Variants in ADHFE1 observed in about 807,000 individuals in gnomAD.
The protein encoded by ADHFE1 is alcohol dehydrogenase iron containing 1, also known as hydroxyacid-oxoacid transhydrogenase, mitochondrial.
Under a neutral mutation model 54.8 loss-of-function variants are expected in ADHFE1, and 37 were observed. The ratio of observed to expected loss-of-function variants is 0.68; its 90% CI spans 0.52 to 0.89. The LOEUF is 0.89. Among genes scored for constraint, ADHFE1 ranks in the 40% least tolerant of loss-of-function variants. The pLI is 0.00. For missense variants in ADHFE1, 601 were observed against 591.2 expected (o/e 1.02, Z -0.17); for synonymous variants, 203 against 229.3 (o/e 0.89, Z 1.04).
At chr8:66,460,617 C>G (rs1806850283) in intron 13 of ADHFE1, 152 bp downstream of exon 13, 3 of 881,922 alleles carry the variant, frequency 3.4e-6, no homozygotes, top group Admixed American at 3.2e-5. Flanking sequence ...TCTGTCCTTT[C>G]CTGGTGCAAC....
intron 10 of ADHFE1, among the ~76,000 whole-genome samples, chr8:66,455,511 G>A (rs1806534497): frequency 6.6e-6 from 1 of 152,236 alleles, no homozygotes; most frequent in South Asian, 2.1e-4. Flanking sequence ...CCACTGATGG[G>A]AGCATAAATT....
rs1586452805 is a variant in ADHFE1, at chr8:66,445,319, A to G, written c.455A>G (p.Tyr152Cys). Residue 152 changes from tyrosine (Y) to cysteine (C), a missense_variant, in exon 6 of 14, where the codon TAT (tyrosine) becomes TGT (cysteine). Physicochemically the swap from Tyr to Cys is radical, Grantham distance 194. Coordinates refer to ENST00000396623, the MANE Select transcript of ADHFE1 (RefSeq NM_144650.3). ...GACACCTGTAAGGCTGCTAATCTGT[A>G]TGCATCCAGCCCTCATTCTGATTTC... Reference protein sequence around the residue: ...TMDTCKAANLYASSPHSDFLD... With the variant: ...TMDTCKAANLCASSPHSDFLD... The G allele has an allele frequency of 6.2e-7, 1 of 1,613,970 alleles. No individual in the cohort carries two copies. Among genetic ancestry groups the G allele is most frequent in the Non-Finnish European group, 8.5e-7 (1 of 1,179,992 alleles).
intron 13 of ADHFE1, among the ~76,000 whole-genome samples, chr8:66,465,169 C>T (rs187053405): frequency 1.9e-4 from 29 of 152,250 alleles, no homozygotes; most frequent in African/African-American, 6.0e-4. Context: ...AATAATGCTG[C>T]GATGAATATT....
At chr8:66,437,792 C>G (rs1805543175) in intron 1 of ADHFE1, among the ~76,000 whole-genome samples, 1 of 152,098 alleles carries the variant, frequency 6.6e-6, no homozygotes, top group Non-Finnish European at 1.5e-5. Flanking sequence ...AAAAACAGCA[C>G]CAGTGTGGTA....
chr8:66,446,389 G>A (rs1213459055), intron 6 of ADHFE1, among the ~76,000 whole-genome samples: 1 of 152,224 alleles, frequency 6.6e-6, no homozygotes, highest in African/African-American at 2.4e-5. Context: ...CAGCAAATAT[G>A]AGTTTTGTTA....
Position 66,453,988 on chromosome 8 carries a change from A to G in ADHFE1, c.888-71A>G, listed in dbSNP as rs1308327605. On this transcript the variant is annotated intron_variant, in intron 9 of 13. Coordinates refer to ENST00000396623, the MANE Select transcript of ADHFE1 (RefSeq NM_144650.3). ...TTTTTTTTTCACCATATCTTTCCCTAAGGCAGCTCCTTATTCTGTAGGAAT... is the reference window on the plus strand; with the variant it reads ...TTTTTTTTTCACCATATCTTTCCCTGAGGCAGCTCCTTATTCTGTAGGAAT... The G allele has an allele frequency of 3.8e-6, 6 of 1,571,394 alleles. No homozygotes were observed. The East Asian group carries it at 6.8e-5, about 18-fold the overall frequency.
Position 66,460,426 on chromosome 8 carries a change from AG to A in ADHFE1, c.1282del (p.Ala428LeufsTer6). 1.2e-6 allele frequency: 2 copies of A among 1,610,332 alleles called. No homozygotes were observed. The highest frequency in any genetic ancestry group is 1.7e-6 in the Non-Finnish European group (2 of 1,177,080). On this transcript the variant is annotated frameshift_variant, in exon 13 of 14. Coordinates refer to ENST00000396623, the MANE Select transcript of ADHFE1 (RefSeq NM_144650.3). LOFTEE classifies it high-confidence loss of function. ...DGLAAVGYSK[A>X]DIPALVKGTL... is the part of the protein sequence containing the mutation. ...GCCTAGCAGCTGTTGGTTACTCCAA[AG>A]CTGATATCCCCGCACTAGTGAAAGG...
At chr8:66,454,540 A>T (rs1806471922) in intron 10 of ADHFE1, among the ~76,000 whole-genome samples, 1 of 152,140 alleles carries the variant, frequency 6.6e-6, no homozygotes, top group African/African-American at 2.4e-5. Flanking sequence ...CAATTCACCC[A>T]TTTAAAATGT....
chr8:66,458,598 G>A (rs2555589), intron 12 of ADHFE1, among the ~76,000 whole-genome samples: 23,912 of 152,136 alleles, frequency 0.16, 2,040 homozygotes, highest in Middle Eastern at 0.21. Context: ...AGAACTTAAA[G>A]TTAACACTCT....
intron 2 of ADHFE1, among the ~76,000 whole-genome samples, chr8:66,442,354 A>G (rs1413649320): frequency 7.3e-6 from 1 of 137,334 alleles, no homozygotes; most frequent in Non-Finnish European, 1.5e-5. Flanking sequence ...TCTGTTGTCC[A>G]GGCTGGAGTG....
At chr8:66,436,300 G>A (rs1805464555) in intron 1 of ADHFE1, among the ~76,000 whole-genome samples, 2 of 152,146 alleles carry the variant, frequency 1.3e-5, no homozygotes, top group South Asian at 4.1e-4. Flanking sequence ...CTTATCTTCA[G>A]GAGCGATTAC....
intron 10 of ADHFE1, among the ~76,000 whole-genome samples, chr8:66,455,146 G>C (rs932917098): frequency 2.0e-5 from 3 of 152,278 alleles, no homozygotes; most frequent in African/African-American, 7.2e-5. Flanking sequence ...TGTTATATAG[G>C]TAGGAGCAGA....
At position 66,439,814 on chromosome 8, in the gene ADHFE1, C is replaced by G. The variant is rs983252020; in HGVS notation, c.60-348C>G. The G allele has an allele frequency of 3.6e-5, 39 of 1,092,914 alleles. No individual in the cohort carries two copies. The Admixed American group carries it at 1.5e-3, about 42-fold the overall frequency. The allele number at this position is 1,092,914 out of a possible 1,614,324, so 67.7% of individuals were successfully genotyped here. On this transcript the variant is annotated intron_variant, in intron 1 of 13. Coordinates refer to ENST00000396623, the MANE Select transcript of ADHFE1 (RefSeq NM_144650.3). This position sits in a 1 kb window ranked among gnomAD's most constrained non-coding sequence, Gnocchi z 4.4. ...GGGCCGATTTGGTCAACGCTCCTAA[C>G]CCAGTAAGAGCTGGGGCTTCATGGA...
intron 13 of ADHFE1, among the ~76,000 whole-genome samples, chr8:66,467,027 GA>G (rs11343824): frequency 0.57 from 85,841 of 151,858 alleles, 25,324 homozygotes; most frequent in African/African-American, 0.72. Context: ...GTTTATACTG[GA>G]AAAAAATCAC....
chr8:66,445,261 G>A lies in ADHFE1; in HGVS notation c.397G>A (p.Ala133Thr). 2 of 1,612,822 alleles carry A rather than the reference G, an allele frequency of 1.2e-6. No individual in the cohort carries two copies. Among genetic ancestry groups the A allele is most frequent in the Non-Finnish European group, 1.7e-6 (2 of 1,179,708 alleles). Reference sequence around the variant, plus strand: ...GTTTGCCCAAAAGGGAGCTTTTGATGCCTATGTTGCTGTCGGTGGTGGCTC... The same window carrying A: ...GTTTGCCCAAAAGGGAGCTTTTGATACCTATGTTGCTGTCGGTGGTGGCTC... ...IEFAQKGAFD[A>T]YVAVGGGSTM... The change falls in exon 6 of 14, where the codon GCC becomes ACC. Residue 133 changes from alanine (A) to threonine (T), a missense_variant. Physicochemically the swap from Ala to Thr is moderately conservative, Grantham distance 58. Transcript: ENST00000396623.
chr8:66,461,232 A>G (rs996969972), intron 13 of ADHFE1, among the ~76,000 whole-genome samples: 5 of 152,212 alleles, frequency 3.3e-5, no homozygotes, highest in Admixed American at 3.3e-4. Context: ...CATAGTCGCC[A>G]TGCCCAGAAT....
At chr8:66,459,473 G>A (rs893674845) in intron 12 of ADHFE1, 3 of 144,090 alleles carry the variant, frequency 2.1e-5, no homozygotes, top group African/African-American at 7.8e-5. Context: ...CACTGCTCAG[G>A]TTGGTCTTGA....
At chr8:66,467,996 G>A (rs1268142850) in intron 13 of ADHFE1, among the ~76,000 whole-genome samples, 2 of 152,202 alleles carry the variant, frequency 1.3e-5, no homozygotes, top group Admixed American at 6.5e-5. Context: ...TGATAAGGGT[G>A]TTTTCCCCAA....
intron 6 of ADHFE1, among the ~76,000 whole-genome samples, chr8:66,445,922 G>A (rs1302959168): frequency 6.6e-6 from 1 of 152,214 alleles, no homozygotes; most frequent in African/African-American, 2.4e-5. Flanking sequence ...GCTACCCAGG[G>A]CACAGACGTA....
Sources: allele counts gnomAD v4.1 joint callset (sites outside exome capture counted in the v4.1 genomes callset), GRCh38; gene constraint gnomAD v4.1.1; non-coding constraint Gnocchi (gnomAD v3.1); transcripts MANE v1.5; gene names NCBI Gene and HGNC (gene_info 2026-07-23, HGNC 2026-07-21).